ZNF76: variants seen among roughly 807,000 people sequenced by gnomAD.
ZNF76 encodes zinc finger protein 523.
In ZNF76, 66 loss-of-function variants were observed where a neutral mutation model predicts 66.9. The observed-to-expected ratio is 0.99, with a 90% confidence interval of 0.81 to 1.21. ZNF76 has a LOEUF of 1.21. Ranked by LOEUF, ZNF76 falls within the 50% of genes most tolerant of loss-of-function variation. ZNF76 has a pLI of 0.00. For missense variants in ZNF76, 729 were observed against 760.3 expected, an observed-to-expected ratio of 0.96 and a Z score of 0.48; for synonymous variants, 275 against 296.1, an observed-to-expected ratio of 0.93 and a Z score of 0.73.
chr6:35,272,884 T>A (rs927171601), intron 1 of ZNF76, among the ~76,000 whole-genome samples: 1 of 152,062 alleles, frequency 6.6e-6, no homozygotes, highest in African/African-American at 2.4e-5. Context: ...CTGGGCATGG[T>A]GGCTCATGCC....
rs2150369419 is a variant in ZNF76 at position 35,287,923 on chromosome 6, A to C, written c.432+78A>C. ...CTGCGCACTGCCTCTTGGCCCTGCC[A>C]GAACTTCACCTCTCAAGAGGACAAG... On this transcript the variant is annotated intron_variant, in intron 5 of 13. Coordinates refer to ENST00000373953, the MANE Select transcript of ZNF76 (RefSeq NM_003427.5). This position sits in a 1 kb window ranked among gnomAD's most constrained non-coding sequence, Gnocchi z 4.0. 1 of 1,481,004 alleles carries C rather than the reference A, an allele frequency of 6.8e-7. No individual in the cohort carries two copies. Among genetic ancestry groups the C allele is most frequent in the Non-Finnish European group, 9.2e-7 (1 of 1,090,636 alleles). The allele number at this position is 1,481,004 out of a possible 1,614,324, so 91.7% of individuals were successfully genotyped here.
intron 1 of ZNF76, among the ~76,000 whole-genome samples, chr6:35,265,175 A>T (rs1009765599): frequency 3.0e-4 from 46 of 152,220 alleles, no homozygotes; most frequent in South Asian, 1.2e-3. Flanking sequence ...TAAGTAAAAT[A>T]TATATTGAGA....
intron 1 of ZNF76, among the ~76,000 whole-genome samples, chr6:35,262,362 C>T (rs1381708283): frequency 6.6e-6 from 1 of 152,152 alleles, no homozygotes; most frequent in East Asian, 1.9e-4. Flanking sequence ...TGAGAGTGAC[C>T]TTCCTACTGC....
intron 1 of ZNF76, among the ~76,000 whole-genome samples, chr6:35,273,461 C>A (rs1177649125): frequency 6.6e-6 from 1 of 151,620 alleles, no homozygotes; most frequent in Non-Finnish European, 1.5e-5. Flanking sequence ...GCGTGAGCCA[C>A]TGCACCTGGC....
chr6:35,279,513 C>T (rs1788433848), intron 1 of ZNF76: 1 of 149,342 alleles, frequency 6.7e-6, no homozygotes, highest in Non-Finnish European at 1.5e-5. Context: ...TTGCAAGCTC[C>T]ACCTCCCAGG....
In ZNF76 at chr6:35,290,255, T is replaced by C; in HGVS notation, c.433-11T>C. ...AGAATACATATAGGGATCTCAAGAC[T>C]TTTCCCCCAGGTTCTTCATGACAGC... is the stretch of plus-strand genomic sequence containing the variant. On this transcript the variant is annotated splice_polypyrimidine_tract_variant and intron_variant, in intron 5 of 13. Transcript: ENST00000373953. The C allele has an allele frequency of 6.2e-7, 1 of 1,613,990 alleles. No homozygotes were observed. Among genetic ancestry groups the C allele is most frequent in the Non-Finnish European group, 8.5e-7 (1 of 1,179,918 alleles).
At chr6:35,263,108 A>G (rs972923789) in intron 1 of ZNF76, among the ~76,000 whole-genome samples, 9 of 152,058 alleles carry the variant, frequency 5.9e-5, no homozygotes, top group African/African-American at 2.2e-4. Context: ...TGCTTCCTTC[A>G]TATGCTGCAC....
At chr6:35,262,279 C>T (rs1785368378) in intron 1 of ZNF76, among the ~76,000 whole-genome samples, 1 of 152,124 alleles carries the variant, frequency 6.6e-6, no homozygotes, top group Non-Finnish European at 1.5e-5. Flanking sequence ...TTATGACCTG[C>T]TTCAGGGGAA....
chr6:35,260,819 A>C (rs1280298877), intron 1 of ZNF76, among the ~76,000 whole-genome samples: 1 of 152,128 alleles, frequency 6.6e-6, no homozygotes, highest in Non-Finnish European at 1.5e-5. Context: ...TCAAGATAAT[A>C]ATTTTTTGCA....
chr6:35,273,706 G>A (rs1395660242), intron 1 of ZNF76, among the ~76,000 whole-genome samples: 10 of 140,058 alleles, frequency 7.1e-5, no homozygotes, highest in Middle Eastern at 3.5e-3. Context: ...GCTTGAACCC[G>A]GGAGACTCCA....
At chr6:35,260,170 C>T (rs1785004926) in intron 1 of ZNF76, among the ~76,000 whole-genome samples, 2 of 152,138 alleles carry the variant, frequency 1.3e-5, no homozygotes, top group South Asian at 4.1e-4. Context: ...CCAGGAATTT[C>T]CCCAGCACTT....
chr6:35,294,014 G>A, intron 12 of ZNF76, 99 bp downstream of exon 12: 1 of 1,395,684 alleles, frequency 7.2e-7, no homozygotes, highest in Non-Finnish European at 9.7e-7. Flanking sequence ...CTTCTTACCA[G>A]GACAAAGATT....
At chr6:35,270,134 T>C (rs1786798835) in intron 1 of ZNF76, among the ~76,000 whole-genome samples, 1 of 152,196 alleles carries the variant, frequency 6.6e-6, no homozygotes, top group African/African-American at 2.4e-5. Context: ...TCAAGGCTTT[T>C]TTTATTTTTA....
chr6:35,262,370 T>C (rs1785381924), intron 1 of ZNF76, among the ~76,000 whole-genome samples: 1 of 152,222 alleles, frequency 6.6e-6, no homozygotes, highest in Non-Finnish European at 1.5e-5. Flanking sequence ...ACCTTCCTAC[T>C]GCCATTTTCT....
chr6:35,275,731 T>TTAGCC (rs1360774182), intron 1 of ZNF76, among the ~76,000 whole-genome samples: 1 of 152,210 alleles, frequency 6.6e-6, no homozygotes, highest in Non-Finnish European at 1.5e-5. Flanking sequence ...TTGAGGTTAT[T>TTAGCC]TAGCCTGTAC....
At chr6:35,283,869 C>A (rs142156148) in intron 2 of ZNF76, among the ~76,000 whole-genome samples, 342 of 152,152 alleles carry the variant, frequency 2.2e-3, no homozygotes, top group Middle Eastern at 0.01. Context: ...TATTTCTTAC[C>A]TTTATCTCCA....
At position 35,293,822 on chromosome 6, in the gene ZNF76, C is replaced by T. The variant is rs147461889; in HGVS notation, c.1401C>T (p.Thr467=). 4.6e-5 allele frequency: 74 copies of T among 1,614,046 alleles called. No individual in the cohort carries two copies. The highest frequency in any genetic ancestry group is 6.7e-5 in the Admixed American group (4 of 60,012). Residue 467 remains threonine (T), a synonymous_variant, in exon 12 of 14, where the codon ACC becomes ACT. Coordinates refer to ENST00000373953, the MANE Select transcript of ZNF76 (RefSeq NM_003427.5). ...GTATGGTCACCCAGCACGGCAGCAC[C>T]ACCCTCACCATCCCCAGTCCTGATG... The part of the protein sequence containing the change: ...AISMVTQHGS[T]TLTIPSPDAD...
Position 35,286,632 on chromosome 6 carries a change from G to T in ZNF76, c.232+233G>T, listed in dbSNP as rs1789607090. On this transcript the variant is annotated intron_variant, in intron 4 of 13. Coordinates refer to ENST00000373953, the MANE Select transcript of ZNF76 (RefSeq NM_003427.5). ...GTGAGCCTTGGAGATCAGTGACGTG[G>T]ACTTTGATGGTGGCCTTGGCTCCAG... is the stretch of plus-strand genomic sequence containing the variant. The T allele has an allele frequency of 2.5e-5, 15 of 590,762 alleles. No individual in the cohort carries two copies. The South Asian group carries it at 2.8e-4, about 11-fold the overall frequency. The allele number at this position is 590,762 out of a possible 1,614,324, so 36.6% of individuals were successfully genotyped here.
rs1390069497 is a variant in ZNF76 at position 35,293,617 on chromosome 6, C to T, written c.1330-134C>T. 3.1e-5 allele frequency: 34 copies of T among 1,079,654 alleles called. No homozygotes were observed. The South Asian group carries it at 3.4e-4, about 11-fold the overall frequency. The allele number at this position is 1,079,654 out of a possible 1,614,324, so 66.9% of individuals were successfully genotyped here. A position where few individuals can be genotyped will look rare whatever the true frequency, so the allele number is the denominator to read the frequency against. On this transcript the variant is annotated intron_variant, in intron 11 of 13. Coordinates refer to ENST00000373953, the MANE Select transcript of ZNF76 (RefSeq NM_003427.5). ...CCTTGGACCCATTTTGTTTGCCTGT[C>T]ACCCATCCCTTCCACCACTATGACA... is the stretch of plus-strand genomic sequence containing the variant.
Sources: gnomAD v4.1 joint callset for allele counts (sites outside exome capture counted in the v4.1 genomes callset) on GRCh38, gnomAD v4.1.1 for gene constraint, Gnocchi (gnomAD v3.1) non-coding constraint, MANE v1.5 for transcripts, NCBI Gene and HGNC (gene_info 2026-07-23, HGNC 2026-07-21) for gene names.